NAV2: variants seen among roughly 807,000 people sequenced by gnomAD.
NAV2 encodes neuron navigator 2.
A neutral mutation model predicts 223.2 loss-of-function variants in NAV2; 54 were observed. The ratio of observed to expected loss-of-function variants is 0.24; its 90% CI spans 0.19 to 0.30. The LOEUF (loss-of-function observed/expected upper bound fraction) is 0.30. Among genes scored for constraint, NAV2 ranks in the 10% least tolerant of loss-of-function variants. The probability of loss-of-function intolerance (pLI) is 1.00; values close to 1 mark genes in which losing one functional copy is unlikely to be tolerated. For synonymous variants in NAV2, 1,279 were observed against 1,239.3 expected (o/e 1.03, Z -0.67); for missense variants, 2,806 against 3,147.5 (o/e 0.89, Z 2.60).
At chr11:19,525,904 C>T (rs551344519) in intron 1 of NAV2, among the ~76,000 whole-genome samples, 2 of 152,192 alleles carry the variant, frequency 1.3e-5, no homozygotes, top group East Asian at 3.9e-4. Flanking sequence ...AGTCTTCAGG[C>T]TTAGGGGAAG....
intron 3 of NAV2, among the ~76,000 whole-genome samples, chr11:19,849,752 T>C (rs12365810): frequency 4.5e-4 from 69 of 152,304 alleles, no homozygotes; most frequent in Non-Finnish European, 9.0e-4. Context: ...GAAAAGTCCA[T>C]AGGCCACTTA....
chr11:19,927,624 C>T (rs1406218000), intron 6 of NAV2, among the ~76,000 whole-genome samples: 1 of 151,880 alleles, frequency 6.6e-6, no homozygotes, highest in Non-Finnish European at 1.5e-5. Context: ...CCTGTGGTTC[C>T]AGCAGTGAGC....
intron 11 of NAV2, among the ~76,000 whole-genome samples, chr11:20,007,392 T>C (rs555763369): frequency 3.8e-4 from 58 of 152,360 alleles, no homozygotes; most frequent in Non-Finnish European, 1.2e-4. Context: ...CCAGGATGTG[T>C]GAACAGAATT....
chr11:19,879,795 G>A (rs1300801433), intron 4 of NAV2, 74 bp from the exon 5 acceptor site: 32 of 1,564,034 alleles, frequency 2.0e-5, no homozygotes, highest in Middle Eastern at 1.7e-4. Flanking sequence ...TCAAACTCAC[G>A]TGCCGACTGA....
rs748666123 is a variant in NAV2 at position 19,714,003 on chromosome 11, G to C, written c.267+41G>C. ...TGCCGGGGTACTGTTCTGGAAGGAT[G>C]GATGAATAGTTCTTTCGGGATGGTG... is the stretch of plus-strand genomic sequence containing the variant. On this transcript the variant is annotated intron_variant, in intron 1 of 37. Coordinates refer to ENST00000349880, the MANE Select transcript of NAV2 (RefSeq NM_145117.5). 5 of 1,605,130 alleles carry C rather than the reference G, an allele frequency of 3.1e-6. No homozygotes were observed. In the African/African-American group the frequency reaches 6.7e-5, roughly 21 times the overall value.
intron 1 of NAV2, among the ~76,000 whole-genome samples, chr11:19,459,782 G>A (rs955063793): frequency 6.6e-6 from 1 of 152,176 alleles, no homozygotes; most frequent in African/African-American, 2.4e-5. Context: ...ATCAGATTGA[G>A]GAGCCAGGGT....
chr11:19,990,532 C>T (rs12788004), intron 11 of NAV2, among the ~76,000 whole-genome samples: 1 of 152,108 alleles, frequency 6.6e-6, no homozygotes, highest in East Asian at 1.9e-4. Context: ...CCCCTCCCCC[C>T]ATTACCTCCC....
chr11:19,392,805 G>T (rs979261499), intron 1 of NAV2, among the ~76,000 whole-genome samples: 4 of 152,226 alleles, frequency 2.6e-5, no homozygotes, highest in Non-Finnish European at 5.9e-5. Flanking sequence ...GTTCAAGTGT[G>T]ATCTTGCAGT....
intron 6 of NAV2, among the ~76,000 whole-genome samples, chr11:19,907,514 C>T (rs1180827812): frequency 1.7e-5 from 2 of 115,566 alleles, no homozygotes; most frequent in East Asian, 4.3e-4. Flanking sequence ...AATTCCCCCA[C>T]TGCCACTCAT....
chr11:19,695,904 A>ATAAAATAATATAAAATAAAATAAAG (rs1172236832), intron 1 of NAV2, among the ~76,000 whole-genome samples: 8 of 150,986 alleles, frequency 5.3e-5, no homozygotes, highest in Non-Finnish European at 1.2e-4. Context: ...ATAAAATAAA[A>ATAAAATAATATAAAATAAAATAAAG]TAAAATAAAA....
chr11:20,075,863 C>A (rs2059713632), intron 22 of NAV2, among the ~76,000 whole-genome samples: 1 of 149,500 alleles, frequency 6.7e-6, no homozygotes, highest in Non-Finnish European at 1.5e-5. Context: ...ATGATCAAAT[C>A]TCACATCTCC....
chr11:19,938,014 G>A (rs1448042453), intron 7 of NAV2, among the ~76,000 whole-genome samples: 1 of 152,228 alleles, frequency 6.6e-6, no homozygotes, highest in East Asian at 1.9e-4. Context: ...AAGGAAGGAG[G>A]AGAAGGGCCT....
At chr11:19,649,717 A>G (rs1189850597) in intron 1 of NAV2, among the ~76,000 whole-genome samples, 1 of 152,242 alleles carries the variant, frequency 6.6e-6, no homozygotes. Context: ...GGAATATAAT[A>G]TTCAGTCTAT....
chr11:19,534,999 T>C (rs920709129), intron 1 of NAV2, among the ~76,000 whole-genome samples: 6 of 152,198 alleles, frequency 3.9e-5, no homozygotes, highest in African/African-American at 1.4e-4. Flanking sequence ...AATAAGTCCT[T>C]AGCACAGTGC....
At chr11:19,736,218 C>G (rs2052285005) in intron 1 of NAV2, among the ~76,000 whole-genome samples, 1 of 152,046 alleles carries the variant, frequency 6.6e-6, no homozygotes, top group Non-Finnish European at 1.5e-5. Context: ...TTTTTACAAA[C>G]AAAAAAATAC....
chr11:19,364,715 G>A (rs1336215793), intron 1 of NAV2, among the ~76,000 whole-genome samples: 1 of 152,230 alleles, frequency 6.6e-6, no homozygotes, highest in Non-Finnish European at 1.5e-5. Flanking sequence ...TGCCACGGTA[G>A]CAGTACAACA....
chr11:20,048,827 G>A lies in NAV2; in HGVS notation c.4002G>A (p.Gln1334=). The change falls in exon 15 of 38, where the codon CAG becomes CAA. Residue 1334 remains glutamine (Q), a synonymous_variant. Transcript: ENST00000349880. ...CCAATCCTCATGCCACCATGACTCA[G>A]CAAGGTAACCTAGACTCCCCGTCAG... ...VISNPHATMT[Q]QGNLDSPSGS... is the part of the protein sequence containing the mutation. 3.1e-6 allele frequency: 5 copies of A among 1,614,136 alleles called. No homozygotes were observed. Among genetic ancestry groups the A allele is most frequent in the Non-Finnish European group, 4.2e-6 (5 of 1,180,026 alleles).
chr11:19,827,564 G>A (rs1368615689), intron 1 of NAV2, among the ~76,000 whole-genome samples: 1 of 152,132 alleles, frequency 6.6e-6, no homozygotes, highest in Non-Finnish European at 1.5e-5. Context: ...CAGGGCCAAG[G>A]GCCAGCTTGA....
chr11:19,709,410 C>T (rs1396349179), upstream of NAV2, among the ~76,000 whole-genome samples: 8 of 151,450 alleles, frequency 5.3e-5, no homozygotes, highest in East Asian at 2.0e-4. Flanking sequence ...GGCATGGTGG[C>T]GGGTGCCTGT....
Sources: allele counts gnomAD v4.1 joint callset (sites outside exome capture counted in the v4.1 genomes callset), GRCh38; gene constraint gnomAD v4.1.1; transcripts MANE v1.5; gene names NCBI Gene and HGNC (gene_info 2026-07-23, HGNC 2026-07-21).